The following PLPPR1 variants were observed in gnomAD, a reference collection of about 807,000 sequenced individuals.
The protein encoded by PLPPR1 is phospholipid phosphatase related 1.
Under a neutral mutation model 33.1 loss-of-function variants are expected in PLPPR1, and 10 were observed. That is an observed-to-expected ratio of 0.30 (90% CI 0.19 to 0.51). The LOEUF is 0.51. Among genes scored for constraint, PLPPR1 ranks in the 20% least tolerant of loss-of-function variants. PLPPR1 has a pLI of 0.97. For synonymous variants in PLPPR1, 151 were observed against 151.0 expected, an observed-to-expected ratio of 1.00 and a Z score of 0.00; for missense variants, 304 against 408.1, an observed-to-expected ratio of 0.74 and a Z score of 2.20.
Position 101,188,590 on chromosome 9 carries a change from A to T in PLPPR1, c.63+3033A>T, listed in dbSNP as rs112361199. Among the ~76,000 whole-genome samples, 431 of 152,186 alleles carry T rather than the reference A, an allele frequency of 2.8e-3. 2 individuals carry two copies. Among genetic ancestry groups the T allele is most frequent in the African/African-American group, 8.7e-3 (361 of 41,550 alleles). ...TTTGCCTTGTTGCCGACTTTAAAGAAAATATTTCAAGTGTTTTACTATTGA... is the reference window on the plus strand; with the variant it reads ...TTTGCCTTGTTGCCGACTTTAAAGATAATATTTCAAGTGTTTTACTATTGA... On this transcript the variant is annotated intron_variant, in intron 2 of 7. Coordinates refer to ENST00000374874, the MANE Select transcript of PLPPR1 (RefSeq NM_207299.2).
At chr9:101,099,608 A>T (rs1792214949) in intron 1 of PLPPR1, among the ~76,000 whole-genome samples, 1 of 152,146 alleles carries the variant, frequency 6.6e-6, no homozygotes, top group Non-Finnish European at 1.5e-5. Flanking sequence ...ACAATACGAT[A>T]TGACAGCCAC....
At chr9:101,041,367 A>G (rs1327811800) in intron 1 of PLPPR1, among the ~76,000 whole-genome samples, 2 of 152,246 alleles carry the variant, frequency 1.3e-5, no homozygotes, top group African/African-American at 4.8e-5. Flanking sequence ...TTATATTAAT[A>G]TAAAGACTCA....
intron 1 of PLPPR1, among the ~76,000 whole-genome samples, chr9:101,042,037 A>G (rs547514554): frequency 6.6e-6 from 1 of 152,310 alleles, no homozygotes; most frequent in African/African-American, 2.4e-5. Context: ...AGCTAAACAC[A>G]TATAGAGAAA....
chr9:101,275,049 G>A (rs112995321), intron 3 of PLPPR1, among the ~76,000 whole-genome samples: 66 of 152,192 alleles, frequency 4.3e-4, no homozygotes, highest in African/African-American at 1.3e-3. Context: ...CCTCTGTGCC[G>A]GATTAAGTGT....
chr9:101,151,921 T>C (rs892517664), intron 1 of PLPPR1, among the ~76,000 whole-genome samples: 2 of 152,140 alleles, frequency 1.3e-5, no homozygotes, highest in African/African-American at 4.8e-5. Context: ...ATGTGTGAAA[T>C]TATACATAGA....
intron 4 of PLPPR1, among the ~76,000 whole-genome samples, chr9:101,288,682 A>T (rs892797937): frequency 7.2e-5 from 11 of 152,154 alleles, no homozygotes; most frequent in Admixed American, 5.9e-4. Context: ...GCCATCTGGG[A>T]ACTTGTTAGA....
At chr9:101,199,612 A>T (rs1008902311) in intron 2 of PLPPR1, among the ~76,000 whole-genome samples, 4 of 152,146 alleles carry the variant, frequency 2.6e-5, no homozygotes, top group East Asian at 1.9e-4. Context: ...GGACTGGCAA[A>T]GTGTTAACTC....
chr9:101,189,612 A>G (rs1826260990), intron 2 of PLPPR1, among the ~76,000 whole-genome samples: 1 of 152,088 alleles, frequency 6.6e-6, no homozygotes, highest in South Asian at 2.1e-4. Context: ...GCTAGGACTT[A>G]TTGTGTATCC....
At chr9:101,051,778 A>G (rs1345044457) in intron 1 of PLPPR1, among the ~76,000 whole-genome samples, 1 of 152,218 alleles carries the variant, frequency 6.6e-6, no homozygotes, top group East Asian at 1.9e-4. Context: ...TCTTTAATTT[A>G]GAGATACAGA....
chr9:101,029,553 G>C (rs1829915326), intron 1 of PLPPR1, among the ~76,000 whole-genome samples: 1 of 152,144 alleles, frequency 6.6e-6, no homozygotes, highest in Non-Finnish European at 1.5e-5. Flanking sequence ...AAGCTGTAAG[G>C]GTTGCCATTG....
At chr9:101,088,708 T>C (rs1830706351) in intron 1 of PLPPR1, among the ~76,000 whole-genome samples, 1 of 152,162 alleles carries the variant, frequency 6.6e-6, no homozygotes, top group Non-Finnish European at 1.5e-5. Context: ...TTTTTATTGC[T>C]CTCACCCTGT....
At chr9:101,074,710 C>A (rs1288882079) in intron 1 of PLPPR1, among the ~76,000 whole-genome samples, 1 of 151,962 alleles carries the variant, frequency 6.6e-6, no homozygotes, top group Non-Finnish European at 1.5e-5. Flanking sequence ...CCAGGTTTAA[C>A]AGAACACCGA....
At chr9:101,307,222 C>T (rs1435569216) in intron 4 of PLPPR1, among the ~76,000 whole-genome samples, 3 of 152,170 alleles carry the variant, frequency 2.0e-5, no homozygotes, top group Non-Finnish European at 4.4e-5. Flanking sequence ...ACCATACAAT[C>T]GCTGTGACCA....
intron 1 of PLPPR1, among the ~76,000 whole-genome samples, chr9:101,178,958 G>A (rs1256178473): frequency 6.6e-6 from 1 of 152,110 alleles, no homozygotes; most frequent in Non-Finnish European, 1.5e-5. Context: ...CTGTCACCAG[G>A]AGATACAACA....
At chr9:101,299,178 C>A (rs7470382) in intron 4 of PLPPR1, among the ~76,000 whole-genome samples, 1 of 152,170 alleles carries the variant, frequency 6.6e-6, no homozygotes, top group Non-Finnish European at 1.5e-5. Context: ...CAACAGGAAC[C>A]GTAGTTGAAG....
At chr9:101,056,418 A>G (rs964369732) in intron 1 of PLPPR1, among the ~76,000 whole-genome samples, 3 of 152,146 alleles carry the variant, frequency 2.0e-5, no homozygotes, top group Non-Finnish European at 4.4e-5. Context: ...GAATTTGTTT[A>G]GGTAATTAAA....
intron 2 of PLPPR1, among the ~76,000 whole-genome samples, chr9:101,248,769 G>A (rs1245614411): frequency 2.0e-5 from 3 of 152,040 alleles, no homozygotes; most frequent in Non-Finnish European, 2.9e-5. Context: ...CGAAAATACT[G>A]TATCTGCTGT....
At chr9:101,198,455 C>T (rs1052870556) in intron 2 of PLPPR1, among the ~76,000 whole-genome samples, 2 of 152,262 alleles carry the variant, frequency 1.3e-5, no homozygotes, top group Admixed American at 1.3e-4. Context: ...CTGTCCTAAT[C>T]AATGACAAAT....
At chr9:101,066,674 C>T (rs372943970) in intron 1 of PLPPR1, among the ~76,000 whole-genome samples, 2 of 152,014 alleles carry the variant, frequency 1.3e-5, no homozygotes, top group Non-Finnish European at 2.9e-5. Context: ...GGATCCTGGG[C>T]TCCTTTGACA....
Sources: gnomAD v4.1 joint callset for allele counts (sites outside exome capture counted in the v4.1 genomes callset) on GRCh38, gnomAD v4.1.1 for gene constraint, MANE v1.5 for transcripts, NCBI Gene and HGNC (gene_info 2026-07-23, HGNC 2026-07-21) for gene names.